SLC4A10: variants seen among roughly 807,000 people sequenced by gnomAD.
The protein encoded by SLC4A10 is solute carrier family 4 member 10, also known as sodium-driven chloride bicarbonate exchanger.
In SLC4A10, 42 loss-of-function variants were observed where a neutral mutation model predicts 137.7. The ratio of observed to expected loss-of-function variants is 0.30; its 90% CI spans 0.24 to 0.39. The LOEUF is 0.39. Among genes scored for constraint, SLC4A10 ranks in the 10% least tolerant of loss-of-function variants. SLC4A10 has a pLI of 1.00. For synonymous variants in SLC4A10, 474 were observed against 464.1 expected (o/e 1.02, Z -0.27); for missense variants, 925 against 1,355.0 (o/e 0.68, Z 4.98).
chr2:161,781,038 C>T (rs2052954000), intron 2 of SLC4A10, among the ~76,000 whole-genome samples: 1 of 152,032 alleles, frequency 6.6e-6, no homozygotes, highest in South Asian at 2.1e-4. Context: ...CACTCTCCAC[C>T]AGTGTGGCCA....
chr2:161,795,622 A>G (rs1229461102), intron 2 of SLC4A10, among the ~76,000 whole-genome samples: 1 of 152,126 alleles, frequency 6.6e-6, no homozygotes, highest in Non-Finnish European at 1.5e-5. Flanking sequence ...GATTTTAAGT[A>G]TACAATGCAG....
intron 1 of SLC4A10, among the ~76,000 whole-genome samples, chr2:161,701,849 C>T (rs1283910372): frequency 9.2e-5 from 14 of 151,528 alleles, no homozygotes; most frequent in Admixed American, 4.6e-4. Flanking sequence ...AAAACCACAA[C>T]GAGATACCAT....
In SLC4A10 at chr2:161,788,733, T is replaced by G. The variant is rs1350348841; in HGVS notation, c.131-15716T>G. Among the ~76,000 whole-genome samples the G allele has an allele frequency of 4.6e-5, 7 of 152,178 alleles. No individual in the cohort carries two copies. The East Asian group carries it at 1.4e-3, about 29-fold the overall frequency. Reference sequence around the variant, plus strand: ...GCCCAGAGCAAACAGTTTTTCAACTTGTCTGCCCTTCGTTGCTGGGACACT... The same window carrying G: ...GCCCAGAGCAAACAGTTTTTCAACTGGTCTGCCCTTCGTTGCTGGGACACT... On this transcript the variant is annotated intron_variant, in intron 2 of 26. Transcript: ENST00000446997.
intron 1 of SLC4A10, among the ~76,000 whole-genome samples, chr2:161,729,648 T>C (rs1178598410): frequency 1.3e-5 from 2 of 152,214 alleles, no homozygotes; most frequent in African/African-American, 4.8e-5. Context: ...TACACCTCTC[T>C]ATTCCTTAAG....
At chr2:161,709,027 T>C (rs527387606) in intron 1 of SLC4A10, among the ~76,000 whole-genome samples, 20 of 151,730 alleles carry the variant, frequency 1.3e-4, no homozygotes, top group African/African-American at 4.6e-4. Flanking sequence ...CCTGTGTGTG[T>C]GTATGTGTTT....
At chr2:161,749,851 T>C (rs1254553042) in intron 1 of SLC4A10, among the ~76,000 whole-genome samples, 4 of 151,910 alleles carry the variant, frequency 2.6e-5, no homozygotes, top group Admixed American at 1.3e-4. Flanking sequence ...TACTAGTTTT[T>C]TGAATGATTG....
At chr2:161,945,674 T>A (rs11693702) in intron 16 of SLC4A10, among the ~76,000 whole-genome samples, 55,505 of 151,602 alleles carry the variant, frequency 0.37, 10,958 homozygotes, top group Admixed American at 0.45. Context: ...CTGAAAATAA[T>A]TGTTGAATTT....
chr2:161,861,763 G>T (rs2060446300), intron 5 of SLC4A10, among the ~76,000 whole-genome samples: 1 of 152,134 alleles, frequency 6.6e-6, no homozygotes, highest in Non-Finnish European at 1.5e-5. Flanking sequence ...ATATGATATA[G>T]ATATTATTAT....
intron 1 of SLC4A10, among the ~76,000 whole-genome samples, chr2:161,672,859 T>C (rs1214695063): frequency 6.6e-6 from 1 of 152,184 alleles, no homozygotes. Flanking sequence ...ATTGTGCTTC[T>C]TTTGGCTATG....
chr2:161,883,572 G>A (rs754058692), intron 10 of SLC4A10, among the ~76,000 whole-genome samples: 6 of 152,122 alleles, frequency 3.9e-5, no homozygotes, highest in South Asian at 2.1e-4. Context: ...CTACAAATTG[G>A]GTGGTTTAAA....
Position 161,839,857 on chromosome 2 carries a change from G to A in SLC4A10, c.346G>A (p.Asp116Asn), listed in dbSNP as rs1450848104. Residue 116 changes from aspartate to asparagine, a missense_variant, in exon 4 of 27, where the codon GAC (aspartate) becomes AAC (asparagine). Asp to Asn is a conservative substitution (Grantham distance 23). Transcript: ENST00000446997. ...EDDDEEHIPH[D>N]LFTELDEICW... ...TGATGACGAGGAACACATTCCTCAT[G>A]ACCTTTTCACAGAACTGGATGAGAT... is the stretch of plus-strand genomic sequence containing the variant. 1 of 1,613,926 alleles carries A rather than the reference G, an allele frequency of 6.2e-7. No homozygotes were observed. Among genetic ancestry groups the A allele is most frequent in the East Asian group, 2.2e-5 (1 of 44,886 alleles).
chr2:161,902,310 A>G (rs1683303077), intron 12 of SLC4A10: 1 of 171,524 alleles, frequency 5.8e-6, no homozygotes, highest in African/African-American at 2.4e-5. Context: ...TTTCAAAACT[A>G]TAAATATTAA....
chr2:161,653,982 C>T (rs543343691), intron 1 of SLC4A10, among the ~76,000 whole-genome samples: 1 of 152,138 alleles, frequency 6.6e-6, no homozygotes, highest in Non-Finnish European at 1.5e-5. Context: ...TTTTCCATGA[C>T]TACTATTTTG....
chr2:161,847,874 C>T (rs1301895090), intron 4 of SLC4A10, among the ~76,000 whole-genome samples: 1 of 152,066 alleles, frequency 6.6e-6, no homozygotes, highest in Non-Finnish European at 1.5e-5. Context: ...GATTTATATT[C>T]CATTGGTTAT....
chr2:161,885,546 A>G lies in SLC4A10; in HGVS notation c.1194+3102A>G, dbSNP rs1035217193. ...CAATAAATCTTTAGAACATGAATCAATTACTGAATATTCTAGACATCATAC... is the reference window on the plus strand; with the variant it reads ...CAATAAATCTTTAGAACATGAATCAGTTACTGAATATTCTAGACATCATAC... On this transcript the variant is annotated intron_variant, in intron 10 of 26. Coordinates refer to ENST00000446997, the MANE Select transcript of SLC4A10 (RefSeq NM_001178015.2). Among the ~76,000 whole-genome samples the G allele has an allele frequency of 3.9e-5, 6 of 152,196 alleles. 1 individual carries two copies. The highest frequency in any genetic ancestry group is 2.6e-4 in the Admixed American group (4 of 15,276).
intron 1 of SLC4A10, among the ~76,000 whole-genome samples, chr2:161,756,857 C>G (rs1000493717): frequency 6.6e-6 from 1 of 151,772 alleles, no homozygotes; most frequent in Non-Finnish European, 1.5e-5. Flanking sequence ...TTATAGACAT[C>G]AATTAGGGAA....
At chr2:161,886,629 AT>A (rs1267436412) in intron 10 of SLC4A10, among the ~76,000 whole-genome samples, 1 of 152,006 alleles carries the variant, frequency 6.6e-6, no homozygotes, top group Non-Finnish European at 1.5e-5. Flanking sequence ...GAACTGCTAA[AT>A]TTTTTTGTGT....
At chr2:161,771,084 G>A in intron 2 of SLC4A10, 30 bp downstream of exon 2, 2 of 1,457,656 alleles carry the variant, frequency 1.4e-6, no homozygotes, top group Non-Finnish European at 1.9e-6. Context: ...GATAGCTATT[G>A]GTGTGCTTTC....
rs1363162131 is a variant in SLC4A10, at chr2:161,879,194, G to A, written c.1012G>A (p.Glu338Lys). The A allele has an allele frequency of 6.2e-7, 1 of 1,613,416 alleles. No homozygotes were observed. Among genetic ancestry groups the A allele is most frequent in the Non-Finnish European group, 8.5e-7 (1 of 1,179,594 alleles). ...TGAAGCATCGAACATCTTAGTGGGA[G>A]AACTGGAGTTCTTGGATCGAACAGT... Reference protein sequence around the residue: ...GAEASNILVGELEFLDRTVVA... With the variant: ...GAEASNILVGKLEFLDRTVVA... Residue 338 changes from glutamate (E) to lysine (K), a missense_variant, in exon 9 of 27, where the codon GAA becomes AAA. Glu to Lys is a moderately conservative substitution (Grantham distance 56). Coordinates refer to ENST00000446997, the MANE Select transcript of SLC4A10 (RefSeq NM_001178015.2).
Sources: allele counts gnomAD v4.1 joint callset (sites outside exome capture counted in the v4.1 genomes callset), GRCh38; gene constraint gnomAD v4.1.1; transcripts MANE v1.5; gene names NCBI Gene and HGNC (gene_info 2026-07-23, HGNC 2026-07-21).